AGBL4: variants seen among roughly 807,000 people sequenced by gnomAD.
AGBL4 encodes AGBL carboxypeptidase 4.
In AGBL4, 58 loss-of-function variants were observed where a neutral mutation model predicts 66.4. That is an observed-to-expected ratio of 0.87 (90% CI 0.71 to 1.09). AGBL4 has a LOEUF of 1.09. AGBL4 is among the 50% of genes least tolerant of loss of function. The pLI, the probability that AGBL4 is intolerant of heterozygous loss-of-function variation, is 0.00. For missense variants in AGBL4, 579 were observed against 631.0 expected, an observed-to-expected ratio of 0.92 and a Z score of 0.88; for synonymous variants, 234 against 222.9, an observed-to-expected ratio of 1.05 and a Z score of -0.44.
chr1:49,929,149 A>T (rs538536706), intron 1 of AGBL4, among the ~76,000 whole-genome samples: 1 of 152,156 alleles, frequency 6.6e-6, no homozygotes, highest in Non-Finnish European at 1.5e-5. Context: ...GGAATGATAG[A>T]CACTGGGGAA....
At chr1:49,836,754 G>A (rs573878925) in intron 2 of AGBL4, among the ~76,000 whole-genome samples, 1 of 152,236 alleles carries the variant, frequency 6.6e-6, no homozygotes, top group South Asian at 2.1e-4. Context: ...CCTTCGGATG[G>A]GGTTGTTGTG....
At chr1:48,667,210 CA>C (rs1449867554) in intron 6 of AGBL4, among the ~76,000 whole-genome samples, 1 of 152,180 alleles carries the variant, frequency 6.6e-6, no homozygotes, top group African/African-American at 2.4e-5. Flanking sequence ...TTCCTTCTAA[CA>C]AATGAAATAC....
At chr1:48,773,436 A>G (rs1334180181) in intron 6 of AGBL4, among the ~76,000 whole-genome samples, 4 of 152,098 alleles carry the variant, frequency 2.6e-5, no homozygotes, top group Non-Finnish European at 5.9e-5. Context: ...CAAGAGGGAC[A>G]GCCTTAGTGA....
chr1:49,379,032 T>A (rs554239089), intron 3 of AGBL4, among the ~76,000 whole-genome samples: 2 of 152,182 alleles, frequency 1.3e-5, no homozygotes, highest in Non-Finnish European at 2.9e-5. Context: ...GGCCTCTGGA[T>A]AAGGAAAATG....
At position 48,590,866 on chromosome 1, in the gene AGBL4, C is replaced by A. The variant is rs1382473293; in HGVS notation, c.1071G>T (p.Lys357Asn). 1.2e-5 allele frequency: 20 copies of A among 1,604,842 alleles called. No homozygotes were observed. The highest frequency in any genetic ancestry group is 1.6e-5 in the Non-Finnish European group (19 of 1,175,748). ...AGTCCTCAGCATTCTGGCAGAGGAG[C>A]TTGGGAAAAATGGCCTGCCTCTGGA... ...ERFQRQAIFPKLLCQNAEDFS... is the reference protein window; with the variant it reads ...ERFQRQAIFPNLLCQNAEDFS... Residue 357 changes from lysine to asparagine, a missense_variant, in exon 10 of 14, where the codon AAG becomes AAT. By Grantham distance (94) the Lys-to-Asn change is moderately conservative. Coordinates refer to ENST00000371839, the MANE Select transcript of AGBL4 (RefSeq NM_032785.4).
chr1:49,054,501 G>A (rs1490342256), intron 4 of AGBL4, among the ~76,000 whole-genome samples: 1 of 151,868 alleles, frequency 6.6e-6, no homozygotes, highest in African/African-American at 2.4e-5. Flanking sequence ...TTTTGGTTTG[G>A]TGAAAGCAAT....
At chr1:48,671,135 C>T (rs1421765451) in intron 6 of AGBL4, among the ~76,000 whole-genome samples, 1 of 152,220 alleles carries the variant, frequency 6.6e-6, no homozygotes, top group Non-Finnish European at 1.5e-5. Flanking sequence ...CTCTCAGCTA[C>T]CAATGCTCCT....
chr1:49,681,491 G>A (rs560831489), intron 3 of AGBL4, among the ~76,000 whole-genome samples: 1 of 152,196 alleles, frequency 6.6e-6, no homozygotes, highest in African/African-American at 2.4e-5. Context: ...TTATCATTCA[G>A]TCTCCCCACT....
Position 49,245,914 on chromosome 1 carries a change from C to T in AGBL4, c.283-50G>A, listed in dbSNP as rs1164477072. 3 of 1,344,102 alleles carry T rather than the reference C, an allele frequency of 2.2e-6. No homozygotes were observed. In the South Asian group the frequency reaches 3.8e-5, roughly 17 times the overall value. 83.3% of individuals were successfully genotyped at this position (1,344,102 alleles called of 1,614,324 possible). A position where few individuals can be genotyped will look rare whatever the true frequency, so the allele number is the denominator to read the frequency against. On this transcript the variant is annotated intron_variant, in intron 3 of 13. Transcript: ENST00000371839. ...CATCTTTATGCTATGCAAATTGTAACTTCCTGATAATTAAGACAGGAAATA... is the reference window on the plus strand; with the variant it reads ...CATCTTTATGCTATGCAAATTGTAATTTCCTGATAATTAAGACAGGAAATA...
intron 5 of AGBL4, among the ~76,000 whole-genome samples, chr1:48,982,402 G>A (rs1261775445): frequency 1.3e-5 from 2 of 151,848 alleles, no homozygotes; most frequent in African/African-American, 4.8e-5. Context: ...GTGTCCATGT[G>A]TTCTCATTGT....
intron 4 of AGBL4, among the ~76,000 whole-genome samples, chr1:49,089,129 A>T (rs373649388): frequency 2.7e-3 from 406 of 151,836 alleles, no homozygotes; most frequent in Middle Eastern, 0.017. Flanking sequence ...TTATAGCACC[A>T]AATGCCCACA....
At chr1:48,623,176 C>A (rs940391955) in intron 9 of AGBL4, among the ~76,000 whole-genome samples, 1 of 152,222 alleles carries the variant, frequency 6.6e-6, no homozygotes, top group Non-Finnish European at 1.5e-5. Context: ...TGCCTGCACT[C>A]AGGAAATCTT....
chr1:49,699,062 C>A (rs1647039217), intron 2 of AGBL4, among the ~76,000 whole-genome samples: 1 of 152,068 alleles, frequency 6.6e-6, no homozygotes, highest in Non-Finnish European at 1.5e-5. Flanking sequence ...ATAAATTAAA[C>A]ACTTCTGATT....
intron 4 of AGBL4, among the ~76,000 whole-genome samples, chr1:49,127,551 G>A (rs944654282): frequency 9.9e-5 from 15 of 152,042 alleles, no homozygotes; most frequent in African/African-American, 3.6e-4. Context: ...AATATGCATG[G>A]GGTGAACTTG....
At chr1:49,363,260 G>A (rs1235924613) in intron 3 of AGBL4, among the ~76,000 whole-genome samples, 2 of 152,174 alleles carry the variant, frequency 1.3e-5, no homozygotes, top group Admixed American at 1.3e-4. Flanking sequence ...ATATATTACT[G>A]TCTGTTCTCT....
intron 4 of AGBL4, among the ~76,000 whole-genome samples, chr1:49,223,268 GGA>G (rs1476297820): frequency 2.0e-5 from 3 of 152,108 alleles, no homozygotes; most frequent in Non-Finnish European, 4.4e-5. Context: ...TTGAATAACA[GGA>G]GAGTATCACA....
chr1:49,329,864 A>G (rs772664919), intron 3 of AGBL4, among the ~76,000 whole-genome samples: 20 of 152,198 alleles, frequency 1.3e-4, no homozygotes, highest in Non-Finnish European at 2.2e-4. Flanking sequence ...CTGCATCTAC[A>G]TAATATCACA....
intron 6 of AGBL4, among the ~76,000 whole-genome samples, chr1:48,664,999 G>A (rs1425267046): frequency 1.3e-5 from 2 of 152,200 alleles, no homozygotes; most frequent in Non-Finnish European, 2.9e-5. Context: ...TATTCTGAAC[G>A]TGGTTCTTTA....
At chr1:48,741,480 G>A (rs1165134359) in intron 6 of AGBL4, among the ~76,000 whole-genome samples, 4 of 152,250 alleles carry the variant, frequency 2.6e-5, no homozygotes, top group African/African-American at 9.6e-5. Context: ...AAGGCAGCAA[G>A]GCAAGGCAGA....
Sources: gnomAD v4.1 joint callset for allele counts (sites outside exome capture counted in the v4.1 genomes callset) on GRCh38, gnomAD v4.1.1 for gene constraint, MANE v1.5 for transcripts, NCBI Gene and HGNC (gene_info 2026-07-23, HGNC 2026-07-21) for gene names.